ST6GALNAC3: variants seen among roughly 807,000 people sequenced by gnomAD.
ST6GALNAC3 encodes ST6 N-acetylgalactosaminide alpha-2,6-sialyltransferase 3, also known as alpha-N-acetylgalactosaminide alpha-2,6-sialyltransferase 3.
ST6GALNAC3 carries 25 observed loss-of-function variants against 32.7 expected under a neutral mutation model. That is an observed-to-expected ratio of 0.76 (90% CI 0.56 to 1.07). ST6GALNAC3 has a LOEUF of 1.07. ST6GALNAC3 is among the 50% of genes least tolerant of loss of function. The probability of loss-of-function intolerance (pLI) is 0.00; values close to 1 mark genes in which losing one functional copy is unlikely to be tolerated. For synonymous variants in ST6GALNAC3, 129 were observed against 133.1 expected (o/e 0.97, Z 0.21); for missense variants, 355 against 382.4 (o/e 0.93, Z 0.60).
intron 3 of ST6GALNAC3, among the ~76,000 whole-genome samples, chr1:76,521,307 A>G (rs1446713740): frequency 4.0e-5 from 6 of 151,876 alleles, no homozygotes; most frequent in Admixed American, 2.0e-4. Flanking sequence ...ATACACACAC[A>G]CACGCGCGTA....
intron 3 of ST6GALNAC3, among the ~76,000 whole-genome samples, chr1:76,512,802 C>A (rs1286010759): frequency 6.6e-6 from 1 of 152,114 alleles, no homozygotes; most frequent in African/African-American, 2.4e-5. Context: ...TATATACACA[C>A]AAACACACAC....
chr1:76,255,731 G>A (rs1472738539), intron 1 of ST6GALNAC3, among the ~76,000 whole-genome samples: 1 of 152,004 alleles, frequency 6.6e-6, no homozygotes, highest in Non-Finnish European at 1.5e-5. Flanking sequence ...ACTTGTTCCT[G>A]TTATGAAACT....
intron 3 of ST6GALNAC3, among the ~76,000 whole-genome samples, chr1:76,438,031 A>G (rs1020231863): frequency 2.0e-5 from 3 of 149,246 alleles, no homozygotes; most frequent in African/African-American, 7.7e-5. Context: ...TTAACGTCAA[A>G]ATAAAAAGAA....
At chr1:76,268,212 C>T (rs1468140317) in intron 1 of ST6GALNAC3, among the ~76,000 whole-genome samples, 3 of 152,040 alleles carry the variant, frequency 2.0e-5, no homozygotes, top group African/African-American at 4.8e-5. Flanking sequence ...GTAGTGGTGC[C>T]GTTTGTTAAT....
At chr1:76,240,734 C>T (rs759037979) in intron 1 of ST6GALNAC3, among the ~76,000 whole-genome samples, 14 of 152,170 alleles carry the variant, frequency 9.2e-5, no homozygotes, top group Non-Finnish European at 1.9e-4. Context: ...TGAGCAGGCA[C>T]GTGCACACAC....
At chr1:76,587,121 C>G (rs1646973591) in intron 3 of ST6GALNAC3, among the ~76,000 whole-genome samples, 1 of 152,142 alleles carries the variant, frequency 6.6e-6, no homozygotes, top group South Asian at 2.1e-4. Context: ...GTGGATTATT[C>G]TTAGAATGAC....
chr1:76,401,793 A>C (rs1432304525), intron 2 of ST6GALNAC3, among the ~76,000 whole-genome samples: 1 of 152,252 alleles, frequency 6.6e-6, no homozygotes, highest in Non-Finnish European at 1.5e-5. Flanking sequence ...GTTCAGACTT[A>C]ATCTTACAAT....
chr1:76,608,014 C>T lies in ST6GALNAC3; in HGVS notation c.624-19438C>T, dbSNP rs549248059. Among the ~76,000 whole-genome samples the T allele has an allele frequency of 1.9e-4, 29 of 152,302 alleles. No homozygotes were observed. In the South Asian group the frequency reaches 5.4e-3, roughly 28 times the overall value. On this transcript the variant is annotated intron_variant, in intron 3 of 4. Coordinates refer to ENST00000328299, the MANE Select transcript of ST6GALNAC3 (RefSeq NM_152996.4). Reference sequence around the variant, plus strand: ...AGATGAGCCAATCAGTCCACACAAACGGAAGTTTTCATAGGCCTGTGACAG... The same window carrying T: ...AGATGAGCCAATCAGTCCACACAAATGGAAGTTTTCATAGGCCTGTGACAG...
chr1:76,194,861 A>G (rs898790811), intron 1 of ST6GALNAC3, among the ~76,000 whole-genome samples: 1 of 152,224 alleles, frequency 6.6e-6, no homozygotes, highest in Admixed American at 6.5e-5. Context: ...AACTTTTCAT[A>G]TTCTGTTACT....
Position 76,419,909 on chromosome 1 carries a change from T to C in ST6GALNAC3, c.623+7492T>C, listed in dbSNP as rs936443008. Among the ~76,000 whole-genome samples, 3 of 152,062 alleles carry C rather than the reference T, an allele frequency of 2.0e-5. No homozygotes were observed. In the East Asian group the frequency reaches 5.8e-4, roughly 29 times the overall value. Reference sequence around the variant, plus strand: ...ACTCCTCTAGTTAGCTCTTTTTCTTTCTTTCTTTTGTTCTTGTTTGTTCTT... The same window carrying C: ...ACTCCTCTAGTTAGCTCTTTTTCTTCCTTTCTTTTGTTCTTGTTTGTTCTT... On this transcript the variant is annotated intron_variant, in intron 3 of 4. Transcript: ENST00000328299.
chr1:76,422,209 C>G (rs1197912238), intron 3 of ST6GALNAC3, among the ~76,000 whole-genome samples: 4 of 151,926 alleles, frequency 2.6e-5, no homozygotes, highest in Admixed American at 1.3e-4. Context: ...AATAAATGAC[C>G]TAGAGGTGGA....
At chr1:76,344,554 G>T (rs1648332682) in intron 2 of ST6GALNAC3, among the ~76,000 whole-genome samples, 1 of 152,042 alleles carries the variant, frequency 6.6e-6, no homozygotes, top group African/African-American at 2.4e-5. Flanking sequence ...TGTTCATGAT[G>T]GCTGTCTCTA....
At chr1:76,500,266 AGCT>A (rs1661100509) in intron 3 of ST6GALNAC3, among the ~76,000 whole-genome samples, 1 of 152,134 alleles carries the variant, frequency 6.6e-6, no homozygotes, top group Non-Finnish European at 1.5e-5. Context: ...TACAAGCTGG[AGCT>A]GCTTTCTGAG....
rs563854641 is a variant in ST6GALNAC3, at chr1:76,112,703, G to A, written c.18+37819G>A. ...AGAGGGTCTCCTCACTTCTCAGACG[G>A]GGCGGCCGGGCAGAGACGCTCCTCA... is the stretch of plus-strand genomic sequence containing the variant. On this transcript the variant is annotated intron_variant, in intron 1 of 4. Transcript: ENST00000328299. Among the ~76,000 whole-genome samples the A allele has an allele frequency of 4.8e-4, 73 of 151,162 alleles. 1 individual carries two copies. The highest frequency in any genetic ancestry group is 1.6e-3 in the African/African-American group (67 of 41,106).
intron 3 of ST6GALNAC3, among the ~76,000 whole-genome samples, chr1:76,488,190 G>A (rs879509739): frequency 6.6e-6 from 1 of 152,174 alleles, no homozygotes; most frequent in Non-Finnish European, 1.5e-5. Flanking sequence ...TTCATGAATG[G>A]CTTGGGACAT....
intron 3 of ST6GALNAC3, among the ~76,000 whole-genome samples, chr1:76,537,002 C>T (rs1366093184): frequency 6.6e-6 from 1 of 152,166 alleles, no homozygotes; most frequent in African/African-American, 2.4e-5. Flanking sequence ...TAGGTATCTA[C>T]AGAACTCTCC....
At chr1:76,507,844 A>C (rs1661573124) in intron 3 of ST6GALNAC3, among the ~76,000 whole-genome samples, 2 of 152,162 alleles carry the variant, frequency 1.3e-5, no homozygotes, top group African/African-American at 4.8e-5. Context: ...GCTTTTGTGG[A>C]AGTGCTAGAC....
At chr1:76,257,976 A>T (rs1240136688) in intron 1 of ST6GALNAC3, among the ~76,000 whole-genome samples, 1 of 152,088 alleles carries the variant, frequency 6.6e-6, no homozygotes, top group Non-Finnish European at 1.5e-5. Flanking sequence ...TTTCCCTCTG[A>T]CTCAGACACT....
intron 1 of ST6GALNAC3, among the ~76,000 whole-genome samples, chr1:76,252,982 G>A (rs932640106): frequency 6.6e-6 from 1 of 152,040 alleles, no homozygotes; most frequent in African/African-American, 2.4e-5. Flanking sequence ...AGTGGGGGAG[G>A]TAGAGAAGTG....
Sources: allele counts gnomAD v4.1 joint callset (sites outside exome capture counted in the v4.1 genomes callset), GRCh38; gene constraint gnomAD v4.1.1; transcripts MANE v1.5; gene names NCBI Gene and HGNC (gene_info 2026-07-23, HGNC 2026-07-21).